The following KIAA1217 variants were observed in gnomAD, a reference collection of about 807,000 sequenced individuals.
The protein encoded by KIAA1217 is sickle tail protein homolog.
KIAA1217 carries 88 observed loss-of-function variants against 163.9 expected under a neutral mutation model. The observed-to-expected ratio is 0.54, with a 90% confidence interval of 0.45 to 0.64. KIAA1217 has a LOEUF of 0.64. KIAA1217 is among the 30% of genes least tolerant of loss of function. The probability of loss-of-function intolerance (pLI) is 0.00; values close to 1 mark genes in which losing one functional copy is unlikely to be tolerated. For synonymous variants in KIAA1217, 903 were observed against 923.1 expected, an observed-to-expected ratio of 0.98 and a Z score of 0.39; for missense variants, 2,372 against 2,475.0, an observed-to-expected ratio of 0.96 and a Z score of 0.88.
At chr10:24,232,935 CAAAAAAAAAAAA>C (rs908492411) in intron 2 of KIAA1217, among the ~76,000 whole-genome samples, 7 of 56,308 alleles carry the variant, frequency 1.2e-4, no homozygotes, top group East Asian at 6.4e-4. Flanking sequence ...CTTATCTCTA[CAAAAAAAAAAAA>C]AAAAAAAAAA....
At chr10:24,417,312 C>T (rs1326057951) in intron 3 of KIAA1217, among the ~76,000 whole-genome samples, 3 of 152,186 alleles carry the variant, frequency 2.0e-5, no homozygotes, top group African/African-American at 7.2e-5. Flanking sequence ...GTATTTCCAA[C>T]TTTGTTGCCT....
chr10:23,939,345 A>G (rs1390827807), intron 1 of KIAA1217, among the ~76,000 whole-genome samples: 2 of 152,160 alleles, frequency 1.3e-5, no homozygotes, highest in East Asian at 1.9e-4. Flanking sequence ...GGAGGCATGC[A>G]TGTGTGTGGT....
rs150149537 is a variant in KIAA1217 at position 24,151,311 on chromosome 10, A to G, written c.-170-68315A>G. ...ATCTCATTGAATCTTTATTTTAAAAATTTAGAGTTAGCAACATTCATGATT... is the reference window on the plus strand; with the variant it reads ...ATCTCATTGAATCTTTATTTTAAAAGTTTAGAGTTAGCAACATTCATGATT... On this transcript the variant is annotated intron_variant, in intron 2 of 18. Transcript: ENST00000376462. Among the ~76,000 whole-genome samples, 154 of 151,876 alleles carry G rather than the reference A, an allele frequency of 1.0e-3. No individual in the cohort carries two copies. In the East Asian group the frequency reaches 0.029, roughly 28 times the overall value.
At chr10:23,935,477 T>C (rs1843487614) in intron 1 of KIAA1217, among the ~76,000 whole-genome samples, 1 of 152,192 alleles carries the variant, frequency 6.6e-6, no homozygotes, top group Non-Finnish European at 1.5e-5. Flanking sequence ...AATTCTCAAT[T>C]TAATATGCAG....
At chr10:24,349,632 CTGAGGCTA>C (rs2048212629) in intron 2 of KIAA1217, among the ~76,000 whole-genome samples, 1 of 152,172 alleles carries the variant, frequency 6.6e-6, no homozygotes, top group Non-Finnish European at 1.5e-5. Context: ...CTCTTATAAC[CTGAGGCTA>C]TGGTGTGCTG....
At chr10:23,743,701 CTGAGTTACCCAG>C (rs1266241335) in intron 1 of KIAA1217, among the ~76,000 whole-genome samples, 2 of 152,124 alleles carry the variant, frequency 1.3e-5, no homozygotes, top group African/African-American at 4.8e-5. Context: ...GGTTATTACC[CTGAGTTACCCAG>C]TGTTATAAAC....
intron 1 of KIAA1217, among the ~76,000 whole-genome samples, chr10:23,726,892 C>T (rs1838175556): frequency 6.7e-6 from 1 of 149,542 alleles, no homozygotes; most frequent in Non-Finnish European, 1.5e-5. Flanking sequence ...TAAAGAATTT[C>T]TTGTGAGCTT....
At chr10:24,177,992 T>C (rs963171722) in intron 2 of KIAA1217, among the ~76,000 whole-genome samples, 1 of 152,176 alleles carries the variant, frequency 6.6e-6, no homozygotes. Flanking sequence ...TTCCTAAATA[T>C]CAAATATAAA....
intron 2 of KIAA1217, among the ~76,000 whole-genome samples, chr10:24,162,669 T>A (rs2065173248): frequency 6.6e-6 from 1 of 152,234 alleles, no homozygotes; most frequent in Non-Finnish European, 1.5e-5. Flanking sequence ...CATAAATTTT[T>A]ATTATCTCAC....
intron 1 of KIAA1217, among the ~76,000 whole-genome samples, chr10:23,919,113 C>T (rs961586247): frequency 1.3e-5 from 2 of 152,094 alleles, no homozygotes; most frequent in African/African-American, 4.8e-5. Flanking sequence ...CATTCAGTGT[C>T]TATTGTCATT....
intron 1 of KIAA1217, among the ~76,000 whole-genome samples, chr10:23,827,190 T>C (rs1837935240): frequency 6.6e-6 from 1 of 152,162 alleles, no homozygotes; most frequent in Non-Finnish European, 1.5e-5. Flanking sequence ...ACATGCTTCA[T>C]CCCAAACAAA....
intron 2 of KIAA1217, among the ~76,000 whole-genome samples, chr10:24,176,095 C>T (rs1201726898): frequency 6.6e-6 from 1 of 152,164 alleles, no homozygotes; most frequent in Non-Finnish European, 1.5e-5. Context: ...TTACAGAGAG[C>T]TGATTGGTCC....
rs143041519 is a variant in KIAA1217, at chr10:24,172,019, C to G, written c.-170-47607C>G. Among the ~76,000 whole-genome samples the G allele has an allele frequency of 2.7e-3, 410 of 152,210 alleles. 1 individual carries two copies. Among genetic ancestry groups the G allele is most frequent in the Middle Eastern group, 0.01 (3 of 294 alleles). The stretch of plus-strand genomic sequence containing the variant: ...CATTTAAACAGAGAAGAAACTGAGG[C>G]TTAGACATGGCAAATGGCTTGACAG... On this transcript the variant is annotated intron_variant, in intron 2 of 18. Coordinates refer to the KIAA1217 transcript ENST00000376462.
chr10:24,082,436 G>A (rs187336809), intron 2 of KIAA1217, among the ~76,000 whole-genome samples: 208 of 151,924 alleles, frequency 1.4e-3, no homozygotes, highest in Non-Finnish European at 2.2e-3. Context: ...GTGTTGTTCC[G>A]CTCCCTGTAT....
intron 1 of KIAA1217, among the ~76,000 whole-genome samples, chr10:23,724,165 T>G (rs1299866106): frequency 2.0e-5 from 3 of 152,148 alleles, no homozygotes; most frequent in African/African-American, 7.2e-5. Context: ...CAATCACTTC[T>G]CACCAGGCCC....
intron 2 of KIAA1217, among the ~76,000 whole-genome samples, chr10:24,341,355 C>A (rs1368359716): frequency 1.3e-5 from 2 of 151,890 alleles, no homozygotes; most frequent in Non-Finnish European, 2.9e-5. Context: ...GATTGTCAAG[C>A]CAAGATGATT....
intron 1 of KIAA1217, among the ~76,000 whole-genome samples, chr10:23,823,218 T>G (rs1837708931): frequency 6.6e-6 from 1 of 152,178 alleles, no homozygotes; most frequent in East Asian, 1.9e-4. Context: ...CTAAGCACAT[T>G]CAGGTTGTTG....
At chr10:23,797,496 G>A (rs1009585491) in intron 1 of KIAA1217, among the ~76,000 whole-genome samples, 1 of 152,106 alleles carries the variant, frequency 6.6e-6, no homozygotes, top group African/African-American at 2.4e-5. Flanking sequence ...AAGAACTACC[G>A]AGACTGGGTA....
At chr10:24,514,852 C>T (rs1237393488) in intron 10 of KIAA1217, among the ~76,000 whole-genome samples, 1 of 151,534 alleles carries the variant, frequency 6.6e-6, no homozygotes, top group African/African-American at 2.4e-5. Flanking sequence ...AATAGCTGGC[C>T]ATTGTGGTGT....
Sources: allele counts gnomAD v4.1 joint callset (sites outside exome capture counted in the v4.1 genomes callset), GRCh38; gene constraint gnomAD v4.1.1; transcripts MANE v1.5; gene names NCBI Gene and HGNC (gene_info 2026-07-23, HGNC 2026-07-21).